WAPL: variants seen among roughly 807,000 people sequenced by gnomAD.
WAPL encodes the protein WAPL cohesin release factor.
WAPL carries 5 observed loss-of-function variants against 121.0 expected under a neutral mutation model. That is an observed-to-expected ratio of 0.04 (90% CI 0.02 to 0.09). WAPL has a LOEUF of 0.09. Ranked by LOEUF, WAPL falls within the 10% of genes least tolerant of loss-of-function variation. WAPL has a pLI of 1.00. For missense variants in WAPL, 999 were observed against 1,410.8 expected (o/e 0.71, Z 4.68); for synonymous variants, 480 against 481.5 (o/e 1.00, Z 0.04).
chr10:86,438,517 G>C (rs1168604701), intron 17 of WAPL, among the ~76,000 whole-genome samples: 1 of 152,208 alleles, frequency 6.6e-6, no homozygotes, highest in Non-Finnish European at 1.5e-5. Flanking sequence ...GCCTCCCAAA[G>C]TGCTGGAATT....
chr10:86,465,655 G>A (rs1841381234), intron 9 of WAPL, among the ~76,000 whole-genome samples: 1 of 152,164 alleles, frequency 6.6e-6, no homozygotes, highest in Non-Finnish European at 1.5e-5. Flanking sequence ...CATCCATTCT[G>A]AATTATGCTT....
chr10:86,438,020 G>A lies in WAPL; in HGVS notation c.3412-5C>T. On this transcript the variant is annotated splice_polypyrimidine_tract_variant and splice_region_variant and intron_variant, in intron 17 of 18. Transcript: ENST00000298767. ...CCGCACAGTGGTTACATTGATCTGA[G>A]GAAACAGAGCAAGAAATATTGGTCA... The A allele has an allele frequency of 1.2e-6, 2 of 1,606,954 alleles. No homozygotes were observed. The highest frequency in any genetic ancestry group is 1.7e-6 in the Non-Finnish European group (2 of 1,174,596).
At chr10:86,470,881 A>G (rs1841519916) in intron 8 of WAPL, 111 bp downstream of exon 8, 2 of 812,602 alleles carry the variant, frequency 2.5e-6, no homozygotes, top group Non-Finnish European at 3.6e-6. Flanking sequence ...AATGAACTCA[A>G]TCTATAATTA....
intron 2 of WAPL, among the ~76,000 whole-genome samples, chr10:86,512,875 G>A (rs1286590500): frequency 1.3e-5 from 2 of 151,872 alleles, no homozygotes; most frequent in East Asian, 3.9e-4. Context: ...TTCTATTTTT[G>A]TGTGCCTGAA....
intron 17 of WAPL, among the ~76,000 whole-genome samples, chr10:86,440,683 G>A (rs1849445996): frequency 6.6e-6 from 1 of 151,826 alleles, no homozygotes; most frequent in South Asian, 2.1e-4. Context: ...CTTGTCATTG[G>A]AAATAAGAAA....
chr10:86,488,947 C>T (rs1343133863), intron 4 of WAPL, among the ~76,000 whole-genome samples: 1 of 152,164 alleles, frequency 6.6e-6, no homozygotes, highest in Non-Finnish European at 1.5e-5. Context: ...CTGAAAAATA[C>T]CATCTTAACC....
chr10:86,464,530 A>C (rs1416288675), intron 9 of WAPL, among the ~76,000 whole-genome samples: 1 of 152,224 alleles, frequency 6.6e-6, no homozygotes, highest in East Asian at 1.9e-4. Context: ...CACTGCAAAA[A>C]TACAGAAGTA....
intron 15 of WAPL, among the ~76,000 whole-genome samples, chr10:86,448,558 G>C (rs568162304): frequency 6.6e-6 from 1 of 152,156 alleles, no homozygotes; most frequent in East Asian, 1.9e-4. Flanking sequence ...GCAAAGAGTG[G>C]GTATAGACTA....
At position 86,472,088 on chromosome 10, in the gene WAPL, G is replaced by A; in HGVS notation, c.2030+120C>T. 1.2e-6 allele frequency: 1 copy of A among 841,542 alleles called. No homozygotes were observed. Among genetic ancestry groups the A allele is most frequent in the Non-Finnish European group, 1.7e-6 (1 of 576,678 alleles). 52.1% of individuals were successfully genotyped at this position (841,542 alleles called of 1,614,324 possible). A position where few individuals can be genotyped will look rare whatever the true frequency, so the allele number is the denominator to read the frequency against. On this transcript the variant is annotated intron_variant, in intron 7 of 18. Coordinates refer to ENST00000298767, the MANE Select transcript of WAPL (RefSeq NM_015045.5). This position sits in a 1 kb window ranked among gnomAD's most constrained non-coding sequence, Gnocchi z 4.2. Reference sequence around the variant, plus strand: ...ATGGATAGCATTTTAACATATCACTGGCTATACATACTACCCCATCATAAC... The same window carrying A: ...ATGGATAGCATTTTAACATATCACTAGCTATACATACTACCCCATCATAAC...
intron 2 of WAPL, among the ~76,000 whole-genome samples, chr10:86,516,548 A>T (rs1185609340): frequency 6.6e-6 from 1 of 152,042 alleles, no homozygotes; most frequent in African/African-American, 2.4e-5. Context: ...TTTCTTTTCA[A>T]TTACAGTATA....
chr10:86,518,141 A>C, intron 1 of WAPL, 50 bp from the exon 2 acceptor site: 2 of 1,516,434 alleles, frequency 1.3e-6, no homozygotes, highest in Middle Eastern at 1.8e-4. Flanking sequence ...ACAAGTGTTA[A>C]ACAGTGCATA....
Position 86,505,809 on chromosome 10 carries a change from C to T in WAPL, c.500-5066G>A, listed in dbSNP as rs1842338924. On this transcript the variant is annotated intron_variant, in intron 2 of 18. Transcript: ENST00000298767. Reference sequence around the variant, plus strand: ...CAAAAAGAACAAGGAACACTATATTCTGGCTATTGAAGAGCATGTTCTTGT... The same window carrying T: ...CAAAAAGAACAAGGAACACTATATTTTGGCTATTGAAGAGCATGTTCTTGT... Among the ~76,000 whole-genome samples the T allele has an allele frequency of 2.0e-5, 3 of 152,030 alleles. No individual in the cohort carries two copies. In the South Asian group the frequency reaches 6.2e-4, roughly 32 times the overall value.
At chr10:86,514,024 C>A (rs80211880) in intron 2 of WAPL, among the ~76,000 whole-genome samples, 12,138 of 152,074 alleles carry the variant, frequency 0.08, 862 homozygotes, top group East Asian at 0.38. Flanking sequence ...TCAGAAGGGT[C>A]CCTAAAGCAA....
intron 16 of WAPL, among the ~76,000 whole-genome samples, chr10:86,445,527 CT>C (rs139652925): frequency 0.26 from 38,569 of 146,462 alleles, 5,692 homozygotes; most frequent in South Asian, 0.45. Context: ...CCTCTAGTAT[CT>C]TTTTTTTTTT....
At chr10:86,491,174 C>G (rs1318056163) in intron 4 of WAPL, among the ~76,000 whole-genome samples, 1 of 119,324 alleles carries the variant, frequency 8.4e-6, no homozygotes, top group African/African-American at 3.2e-5. Context: ...GAGTCTCGCT[C>G]TGTTGCCCAG....
chr10:86,438,934 A>C (rs1188051718), intron 17 of WAPL, among the ~76,000 whole-genome samples: 1 of 152,208 alleles, frequency 6.6e-6, no homozygotes, highest in Non-Finnish European at 1.5e-5. Flanking sequence ...TATTTCATTA[A>C]AGAATGCTTT....
chr10:86,510,242 T>C (rs1842434987), intron 2 of WAPL, among the ~76,000 whole-genome samples: 1 of 151,806 alleles, frequency 6.6e-6, no homozygotes, highest in Admixed American at 6.6e-5. Context: ...GCCTGGCTAA[T>C]TTTTGTATTT....
chr10:86,461,937 C>T (rs1841285582), intron 9 of WAPL, among the ~76,000 whole-genome samples: 1 of 152,036 alleles, frequency 6.6e-6, no homozygotes, highest in Non-Finnish European at 1.5e-5. Context: ...TTTAGTGTTG[C>T]AGACTGACTA....
At chr10:86,506,816 G>A (rs1159630796) in intron 2 of WAPL, among the ~76,000 whole-genome samples, 1 of 151,782 alleles carries the variant, frequency 6.6e-6, no homozygotes, top group Non-Finnish European at 1.5e-5. Flanking sequence ...GACACCTGGG[G>A]TTCATTCTTT....
Sources: gnomAD v4.1 joint callset for allele counts (sites outside exome capture counted in the v4.1 genomes callset) on GRCh38, gnomAD v4.1.1 for gene constraint, Gnocchi (gnomAD v3.1) non-coding constraint, MANE v1.5 for transcripts, NCBI Gene and HGNC (gene_info 2026-07-23, HGNC 2026-07-21) for gene names.